The following SCARB1 variants were observed in gnomAD, a reference collection of about 807,000 sequenced individuals.
SCARB1 encodes the protein CD36 and LIMPII analogous 1.
A neutral mutation model predicts 57.2 loss-of-function variants in SCARB1; 30 were observed. The ratio of observed to expected loss-of-function variants is 0.52; its 90% CI spans 0.39 to 0.71. The LOEUF (loss-of-function observed/expected upper bound fraction) is 0.71. Among genes scored for constraint, SCARB1 ranks in the 30% least tolerant of loss-of-function variants. SCARB1 has a pLI of 0.00. For missense variants in SCARB1, 543 were observed against 671.2 expected (o/e 0.81, Z 2.11); for synonymous variants, 249 against 268.3 (o/e 0.93, Z 0.70).
intron 1 of SCARB1, among the ~76,000 whole-genome samples, chr12:124,847,009 G>A (rs989677202): frequency 6.6e-6 from 1 of 152,194 alleles, no homozygotes; most frequent in Non-Finnish European, 1.5e-5. Flanking sequence ...ACTATAAAAA[G>A]CAAAGCAAGC....
At chr12:124,844,644 G>A (rs550989028) in intron 1 of SCARB1, among the ~76,000 whole-genome samples, 1 of 152,176 alleles carries the variant, frequency 6.6e-6, no homozygotes, top group African/African-American at 2.4e-5. Context: ...GAGAGTCACC[G>A]GGGATGTGCG....
intron 1 of SCARB1, among the ~76,000 whole-genome samples, chr12:124,831,605 C>T (rs1399654710): frequency 2.0e-5 from 3 of 151,942 alleles, no homozygotes; most frequent in African/African-American, 7.3e-5. Context: ...CCTGGAGAGA[C>T]GTGAGAGGTC....
At chr12:124,862,212 T>G (rs1952930164) in intron 1 of SCARB1, among the ~76,000 whole-genome samples, 1 of 152,188 alleles carries the variant, frequency 6.6e-6, no homozygotes, top group Admixed American at 6.5e-5. Context: ...GCCTCTGAGC[T>G]GTCATGGGGG....
chr12:124,811,830 CT>C (rs1950540471), intron 5 of SCARB1, 39 bp downstream of exon 5: 3 of 1,474,174 alleles, frequency 2.0e-6, no homozygotes, highest in Non-Finnish European at 2.8e-6. Context: ...CCACCCTCCC[CT>C]CTCCCTGGCG....
intron 7 of SCARB1, among the ~76,000 whole-genome samples, chr12:124,804,359 C>A (rs1201009182): frequency 6.6e-6 from 1 of 152,256 alleles, no homozygotes; most frequent in African/African-American, 2.4e-5. Context: ...GCCAGTCCAG[C>A]AGAAAACTGA....
intron 1 of SCARB1, among the ~76,000 whole-genome samples, chr12:124,846,660 G>C (rs2135809494): frequency 6.7e-6 from 1 of 149,170 alleles, no homozygotes; most frequent in Admixed American, 7.0e-5. Context: ...GAACCCGGGG[G>C]GCAGAAGTTG....
At chr12:124,862,729 A>G (rs1234032013) in intron 1 of SCARB1, among the ~76,000 whole-genome samples, 2 of 151,026 alleles carry the variant, frequency 1.3e-5, no homozygotes, top group Non-Finnish European at 3.0e-5. Flanking sequence ...TTTTAGTTCA[A>G]ATGTGATACT....
chr12:124,841,516 G>T (rs1303218776), intron 1 of SCARB1, among the ~76,000 whole-genome samples: 1 of 150,320 alleles, frequency 6.7e-6, no homozygotes, highest in Non-Finnish European at 1.5e-5. Flanking sequence ...GTCAGATCAT[G>T]GCTCTTCCCT....
intron 1 of SCARB1, among the ~76,000 whole-genome samples, chr12:124,857,297 A>C (rs1045059422): frequency 3.3e-5 from 5 of 152,242 alleles, no homozygotes; most frequent in African/African-American, 1.2e-4. Context: ...AAAATGAATA[A>C]TGCACATAAA....
rs182229692 is a variant in SCARB1, at chr12:124,827,591, G to A, written c.127-9884C>T. On this transcript the variant is annotated intron_variant, in intron 1 of 12. Coordinates refer to ENST00000261693, the MANE Select transcript of SCARB1 (RefSeq NM_005505.5). ...AGCTGGGAAGGACAACAGCAGAAGC[G>A]GTGGTCTCATTCCACAACCACTGTC... Among the ~76,000 whole-genome samples, 245 of 152,220 alleles carry A rather than the reference G, an allele frequency of 1.6e-3. 1 individual carries two copies. Among genetic ancestry groups the A allele is most frequent in the Middle Eastern group, 3.4e-3 (1 of 294 alleles).
rs943149983 is a variant in SCARB1, at chr12:124,822,988, C to T, written c.127-5281G>A. The stretch of plus-strand genomic sequence containing the variant: ...GTAAAAAAAAATTTAAAAATGAATA[C>T]TATTACTACCTTTAAAATATAATGC... On this transcript the variant is annotated intron_variant, in intron 1 of 12. Transcript: ENST00000261693. The surrounding 1 kb of genome is among the most constrained non-coding windows in gnomAD (Gnocchi z 5.0). 9.2e-5 allele frequency among the ~76,000 whole-genome samples: 14 copies of T among 152,212 alleles called. No homozygotes were observed. Among genetic ancestry groups the T allele is most frequent in the African/African-American group, 3.4e-4 (14 of 41,442 alleles).
At chr12:124,828,171 G>T (rs1951239916) in intron 1 of SCARB1, among the ~76,000 whole-genome samples, 1 of 151,810 alleles carries the variant, frequency 6.6e-6, no homozygotes, top group African/African-American at 2.4e-5. Flanking sequence ...TTTAGGCCGG[G>T]GCAACAACTC....
At chr12:124,793,827 C>T (rs187687665) in intron 9 of SCARB1, among the ~76,000 whole-genome samples, 5 of 151,882 alleles carry the variant, frequency 3.3e-5, no homozygotes, top group East Asian at 1.9e-4. Flanking sequence ...CTAAGGAAAA[C>T]GAGAACAGAT....
intron 12 of SCARB1, among the ~76,000 whole-genome samples, chr12:124,779,396 G>A (rs1370409776): frequency 6.6e-6 from 1 of 152,220 alleles, no homozygotes; most frequent in African/African-American, 2.4e-5. Flanking sequence ...GCTCATGGCT[G>A]CGCACATGCA....
intron 11 of SCARB1, chr12:124,785,962 G>T: frequency 8.8e-7 from 1 of 1,139,116 alleles, no homozygotes; most frequent in Non-Finnish European, 1.2e-6. Context: ...TGGGATGCCA[G>T]CCCCCCTCAA....
intron 7 of SCARB1, among the ~76,000 whole-genome samples, chr12:124,802,485 G>GTGGAGGAGGCAGCCACGGAGCCGAACTC: frequency 6.6e-6 from 1 of 152,042 alleles, no homozygotes; most frequent in African/African-American, 2.4e-5. Flanking sequence ...TGCCTCCTCC[G>GTGGAGGAGGCAGCCACGGAGCCGAACTC]TGGAGGAGGC....
At chr12:124,801,825 A>G (rs1566162027) in intron 7 of SCARB1, among the ~76,000 whole-genome samples, 3 of 151,890 alleles carry the variant, frequency 2.0e-5, no homozygotes, top group Admixed American at 1.3e-4. Context: ...CAGCCTCGGC[A>G]AAAGAGCAAG....
At chr12:124,831,911 G>A (rs571270726) in intron 1 of SCARB1, among the ~76,000 whole-genome samples, 124 of 152,280 alleles carry the variant, frequency 8.1e-4, no homozygotes, top group African/African-American at 2.8e-3. Flanking sequence ...ATTCCTAGCC[G>A]GTGCTCAGGA....
chr12:124,855,079 G>C (rs1316807040), intron 1 of SCARB1, among the ~76,000 whole-genome samples: 1 of 152,180 alleles, frequency 6.6e-6, no homozygotes, highest in Non-Finnish European at 1.5e-5. Context: ...AGAAGACAGA[G>C]CAGCCAGGAA....
Sources: gnomAD v4.1 joint callset for allele counts (sites outside exome capture counted in the v4.1 genomes callset) on GRCh38, gnomAD v4.1.1 for gene constraint, Gnocchi (gnomAD v3.1) non-coding constraint, MANE v1.5 for transcripts, NCBI Gene and HGNC (gene_info 2026-07-23, HGNC 2026-07-21) for gene names.